Variants in ESRRB observed in about 807,000 individuals in gnomAD.
ESRRB encodes the protein estrogen related receptor beta, also known as steroid hormone receptor ERR2.
A neutral mutation model predicts 46.0 loss-of-function variants in ESRRB; 16 were observed. The observed-to-expected ratio is 0.35, with a 90% CI of 0.24 to 0.53. ESRRB has a LOEUF of 0.53. Ranked by LOEUF, ESRRB falls within the 20% of genes least tolerant of loss-of-function variation. The probability of loss-of-function intolerance (pLI) is 0.93; values close to 1 mark genes in which losing one functional copy is unlikely to be tolerated. For missense variants in ESRRB, 488 were observed against 607.4 expected, an observed-to-expected ratio of 0.80 and a Z score of 2.07; for synonymous variants, 246 against 259.6, an observed-to-expected ratio of 0.95 and a Z score of 0.50.
At chr14:76,322,978 T>C (rs2139728460) in intron 1 of ESRRB, among the ~76,000 whole-genome samples, 1 of 152,320 alleles carries the variant, frequency 6.6e-6, no homozygotes, top group African/African-American at 2.4e-5. Context: ...GGACACAGGT[T>C]CATCAGGTTT....
intron 3 of ESRRB, among the ~76,000 whole-genome samples, chr14:76,475,368 C>T (rs1272024946): frequency 8.4e-6 from 1 of 119,516 alleles, no homozygotes; most frequent in African/African-American, 3.2e-5. Flanking sequence ...GACCTTGCCT[C>T]GAAAAAAAAA....
chr14:76,495,613 T>G (rs1263533964), intron 6 of ESRRB: 1 of 135,006 alleles, frequency 7.4e-6, no homozygotes, highest in Non-Finnish European at 1.6e-5. Flanking sequence ...TTCTCAGAAA[T>G]AAATAAATAA....
In ESRRB at chr14:76,482,203, A is replaced by G. The variant is rs1889834868; in HGVS notation, c.688+77A>G. 1.9e-6 allele frequency: 2 copies of G among 1,076,912 alleles called. No homozygotes were observed. The highest frequency in any genetic ancestry group is 1.4e-6 in the Non-Finnish European group (1 of 701,648). 66.7% of individuals were successfully genotyped at this position (1,076,912 alleles called of 1,614,324 possible). ...ATCAGGCATCCCTTAGGGAAACATC[A>G]TCTTCCCACCACTGGGTCATGAGAC... On this transcript the variant is annotated intron_variant, in intron 4 of 6. Coordinates refer to ENST00000644823, the MANE Select transcript of ESRRB (RefSeq NM_001379180.1). The surrounding 1 kb of genome is among the most constrained non-coding windows in gnomAD (Gnocchi z 4.3).
intron 2 of ESRRB, among the ~76,000 whole-genome samples, chr14:76,449,653 C>A (rs1169009390): frequency 1.3e-5 from 2 of 152,018 alleles, no homozygotes; most frequent in Non-Finnish European, 2.9e-5. Context: ...TGTGTCTTCC[C>A]AAATTTTAGA....
chr14:76,311,511 G>A (rs1883733685), intron 1 of ESRRB, among the ~76,000 whole-genome samples: 1 of 152,158 alleles, frequency 6.6e-6, no homozygotes. Context: ...TCCCCTCCGC[G>A]GAGCAAGTTT....
intron 2 of ESRRB, among the ~76,000 whole-genome samples, chr14:76,452,626 A>AAAAAACAAAAACAAAAC (rs200077355): frequency 3.1e-4 from 39 of 124,278 alleles, no homozygotes; most frequent in South Asian, 4.5e-4. Flanking sequence ...TCTCCAAAAA[A>AAAAAACAAAAACAAAAC]AAAAACAAAA....
upstream of ESRRB, among the ~76,000 whole-genome samples, chr14:76,367,310 T>C (rs113985227): frequency 0.2 from 29,925 of 152,028 alleles, 3,675 homozygotes; most frequent in Non-Finnish European, 0.28. Flanking sequence ...ATCCCAGTAT[T>C]TTGGGAGGCC....
At chr14:76,391,384 C>T (rs1277831720) in intron 1 of ESRRB, among the ~76,000 whole-genome samples, 2 of 152,242 alleles carry the variant, frequency 1.3e-5, no homozygotes, top group Non-Finnish European at 2.9e-5. Flanking sequence ...GACTCAGATA[C>T]ACACAGTTCC....
chr14:76,478,991 G>T (rs1595159020), intron 3 of ESRRB, among the ~76,000 whole-genome samples: 1 of 152,124 alleles, frequency 6.6e-6, no homozygotes. Context: ...CAAGGTACAG[G>T]CAGAAGTTGA....
chr14:76,411,181 C>T (rs910501096), intron 1 of ESRRB, among the ~76,000 whole-genome samples: 7 of 151,918 alleles, frequency 4.6e-5, no homozygotes, highest in Admixed American at 6.6e-5. Flanking sequence ...TGGTGGCTCA[C>T]GCCTGTAATC....
chr14:76,318,935 G>C (rs778355680), intron 1 of ESRRB, among the ~76,000 whole-genome samples: 1 of 152,186 alleles, frequency 6.6e-6, no homozygotes, highest in Non-Finnish European at 1.5e-5. Flanking sequence ...AGCATCTACA[G>C]GTGGTTTAAA....
At chr14:76,426,173 T>C (rs913073005) in intron 1 of ESRRB, among the ~76,000 whole-genome samples, 5 of 152,136 alleles carry the variant, frequency 3.3e-5, no homozygotes, top group African/African-American at 9.7e-5. Flanking sequence ...TCCTGCTAAT[T>C]TGTGGCTCTG....
chr14:76,421,488 T>G (rs1455138954), intron 1 of ESRRB, among the ~76,000 whole-genome samples: 1 of 152,214 alleles, frequency 6.6e-6, no homozygotes, highest in Non-Finnish European at 1.5e-5. Flanking sequence ...TGTTATTCGG[T>G]TATATAATAT....
intron 1 of ESRRB, among the ~76,000 whole-genome samples, chr14:76,360,024 G>A (rs1273949563): frequency 6.6e-6 from 1 of 152,148 alleles, no homozygotes; most frequent in Non-Finnish European, 1.5e-5. Flanking sequence ...AATAGAAAAA[G>A]AAAAGAAATA....
chr14:76,476,834 T>C (rs557865042), intron 3 of ESRRB, among the ~76,000 whole-genome samples: 5 of 152,336 alleles, frequency 3.3e-5, no homozygotes, highest in Non-Finnish European at 7.4e-5. Context: ...AGGCTTCACC[T>C]TCCAGGCTGG....
At chr14:76,414,739 T>C (rs1886624326) in intron 1 of ESRRB, among the ~76,000 whole-genome samples, 1 of 149,984 alleles carries the variant, frequency 6.7e-6, no homozygotes, top group African/African-American at 2.5e-5. Flanking sequence ...AATCGCTGAT[T>C]GGAAGGAGAT....
chr14:76,397,490 C>A (rs887285511), intron 1 of ESRRB, among the ~76,000 whole-genome samples: 1 of 152,224 alleles, frequency 6.6e-6, no homozygotes, highest in Non-Finnish European at 1.5e-5. Flanking sequence ...TTGACCTTAC[C>A]CTGGGAATCC....
chr14:76,454,153 C>A (rs1888506972), intron 2 of ESRRB, among the ~76,000 whole-genome samples: 1 of 151,952 alleles, frequency 6.6e-6, no homozygotes, highest in Non-Finnish European at 1.5e-5. Context: ...TCAGGAAGGA[C>A]CAGGAGGAGA....
intron 1 of ESRRB, among the ~76,000 whole-genome samples, chr14:76,438,955 A>G (rs757289414): frequency 9.3e-5 from 13 of 139,870 alleles, no homozygotes; most frequent in Non-Finnish European, 1.4e-4. Context: ...ATACACCATC[A>G]TGCCAGGCTA....
Sources: allele counts gnomAD v4.1 joint callset (sites outside exome capture counted in the v4.1 genomes callset), GRCh38; gene constraint gnomAD v4.1.1; non-coding constraint Gnocchi (gnomAD v3.1); transcripts MANE v1.5; gene names NCBI Gene and HGNC (gene_info 2026-07-23, HGNC 2026-07-21).